ZSWIM6: variants seen among roughly 807,000 people sequenced by gnomAD.
ZSWIM6 encodes zinc finger SWIM-type containing 6, also known as zinc finger SWIM domain-containing protein 6.
ZSWIM6 carries 9 observed loss-of-function variants against 113.2 expected under a neutral mutation model. The observed-to-expected ratio is 0.08, with a 90% CI of 0.05 to 0.14. The LOEUF (loss-of-function observed/expected upper bound fraction) is 0.14. ZSWIM6 is among the 10% of genes least tolerant of loss of function. ZSWIM6 has a pLI of 1.00. For missense variants in ZSWIM6, 1,162 were observed against 1,552.2 expected, an observed-to-expected ratio of 0.75 and a Z score of 4.22; for synonymous variants, 611 against 606.5, an observed-to-expected ratio of 1.01 and a Z score of -0.11.
chr5:61,364,991 A>C (rs888484884), intron 1 of ZSWIM6, among the ~76,000 whole-genome samples: 2 of 152,182 alleles, frequency 1.3e-5, no homozygotes, highest in Non-Finnish European at 2.9e-5. Context: ...GATATTTACT[A>C]TCTGGCTCTT....
intron 1 of ZSWIM6, among the ~76,000 whole-genome samples, chr5:61,464,029 G>T (rs1747373123): frequency 6.6e-6 from 1 of 151,898 alleles, no homozygotes; most frequent in African/African-American, 2.4e-5. Context: ...TTTCGCTCTT[G>T]TTGCCCAGGC....
intron 1 of ZSWIM6, among the ~76,000 whole-genome samples, chr5:61,451,005 T>G (rs1015179446): frequency 5.9e-5 from 9 of 152,214 alleles, no homozygotes; most frequent in Admixed American, 3.3e-4. Context: ...TTGAAGCTCC[T>G]TTTACCTTAA....
At chr5:61,518,402 C>A (rs1749019244) in intron 4 of ZSWIM6, among the ~76,000 whole-genome samples, 1 of 150,686 alleles carries the variant, frequency 6.6e-6, no homozygotes. Context: ...TACAGTCCCA[C>A]CAACAGTGTA....
chr5:61,420,582 G>A (rs1160700339), intron 1 of ZSWIM6, among the ~76,000 whole-genome samples: 1 of 152,096 alleles, frequency 6.6e-6, no homozygotes, highest in Non-Finnish European at 1.5e-5. Flanking sequence ...AACAGAGGCT[G>A]CCGGGGAGTG....
chr5:61,516,521 AAT>A (rs1373758354), intron 4 of ZSWIM6, among the ~76,000 whole-genome samples: 2 of 142,066 alleles, frequency 1.4e-5, no homozygotes, highest in Non-Finnish European at 3.1e-5. Flanking sequence ...TAACATGGCA[AAT>A]ATATATATAT....
intron 1 of ZSWIM6, among the ~76,000 whole-genome samples, chr5:61,457,110 G>A (rs1747220350): frequency 6.7e-6 from 1 of 150,062 alleles, no homozygotes; most frequent in Non-Finnish European, 1.5e-5. Flanking sequence ...CTGTGTCCAT[G>A]TGATCTCATT....
intron 1 of ZSWIM6, among the ~76,000 whole-genome samples, chr5:61,360,954 T>C (rs1745022780): frequency 6.6e-6 from 1 of 152,220 alleles, no homozygotes. Context: ...AGTTTGAATT[T>C]AGGTGTGTTA....
intron 1 of ZSWIM6, among the ~76,000 whole-genome samples, chr5:61,343,257 GA>G (rs1744586643): frequency 6.6e-6 from 1 of 152,170 alleles, no homozygotes; most frequent in Non-Finnish European, 1.5e-5. Context: ...AAGCTGATCA[GA>G]TACTTTGGAA....
At chr5:61,446,520 AC>A (rs1746956245) in intron 1 of ZSWIM6, among the ~76,000 whole-genome samples, 2 of 152,190 alleles carry the variant, frequency 1.3e-5, no homozygotes, top group South Asian at 4.1e-4. Flanking sequence ...ACAAAATCAC[AC>A]AAAGATCATT....
intron 7 of ZSWIM6, among the ~76,000 whole-genome samples, chr5:61,529,702 A>G (rs1749379601): frequency 6.6e-6 from 1 of 152,228 alleles, no homozygotes; most frequent in Admixed American, 6.5e-5. Flanking sequence ...AATTTCTCAA[A>G]AGAAAATTTG....
chr5:61,390,834 T>C, intron 1 of ZSWIM6: 1 of 814,134 alleles, frequency 1.2e-6, no homozygotes, highest in Non-Finnish European at 2.2e-6. Flanking sequence ...TGGCAAGGAC[T>C]TGTGAAGGGT....
rs78633674 is a variant in ZSWIM6 at position 61,438,983 on chromosome 5, C to T, written c.677-33698C>T. ...TACAGTTAGACAGCCAGGAGTCTGG[C>T]AGCTATATTGCAAAAGGGAAAAGCA... On this transcript the variant is annotated intron_variant, in intron 1 of 13. Transcript: ENST00000252744. Among the ~76,000 whole-genome samples the T allele has an allele frequency of 1.4e-3, 211 of 152,276 alleles. 2 individuals are homozygous for T. Among genetic ancestry groups the T allele is most frequent in the African/African-American group, 4.6e-3 (192 of 41,548 alleles).
intron 1 of ZSWIM6, among the ~76,000 whole-genome samples, chr5:61,341,873 CTTTTTTTT>C (rs35227918): frequency 2.1e-5 from 2 of 94,702 alleles, no homozygotes; most frequent in South Asian, 3.6e-4. Context: ...TCTCTGTAAC[CTTTTTTTT>C]TTTTTTTTTT....
chr5:61,334,211 T>C (rs1744337017), intron 1 of ZSWIM6, among the ~76,000 whole-genome samples: 3 of 152,230 alleles, frequency 2.0e-5, no homozygotes, highest in South Asian at 4.1e-4. Context: ...AAGTGTCTCC[T>C]GTTCCCCCTC....
intron 1 of ZSWIM6, among the ~76,000 whole-genome samples, chr5:61,461,325 A>G (rs1335106308): frequency 6.6e-6 from 1 of 152,218 alleles, no homozygotes; most frequent in Non-Finnish European, 1.5e-5. Context: ...GCCTCCCTCC[A>G]TAATTTTTTA....
intron 7 of ZSWIM6, among the ~76,000 whole-genome samples, chr5:61,527,550 CT>C (rs1394164360): frequency 5.9e-5 from 9 of 152,304 alleles, no homozygotes; most frequent in African/African-American, 2.2e-4. Flanking sequence ...ATTGTCGTGA[CT>C]TTGTCCAGTT....
At chr5:61,397,197 C>T (rs1469518185) in intron 1 of ZSWIM6, among the ~76,000 whole-genome samples, 1 of 152,188 alleles carries the variant, frequency 6.6e-6, no homozygotes, top group Non-Finnish European at 1.5e-5. Flanking sequence ...TCAGGCTGTA[C>T]CTTCCTGTCC....
At chr5:61,337,126 C>G (rs1274856310) in intron 1 of ZSWIM6, among the ~76,000 whole-genome samples, 1 of 152,020 alleles carries the variant, frequency 6.6e-6, no homozygotes, top group Non-Finnish European at 1.5e-5. Flanking sequence ...ACTAAAAATA[C>G]AAAAATTAGC....
At chr5:61,454,197 A>T (rs530744827) in intron 1 of ZSWIM6, among the ~76,000 whole-genome samples, 1 of 148,556 alleles carries the variant, frequency 6.7e-6, no homozygotes, top group South Asian at 2.3e-4. Context: ...GCTCTTTCAG[A>T]TTGGGAGAGT....
Sources: gnomAD v4.1 joint callset for allele counts (sites outside exome capture counted in the v4.1 genomes callset) on GRCh38, gnomAD v4.1.1 for gene constraint, MANE v1.5 for transcripts, NCBI Gene and HGNC (gene_info 2026-07-23, HGNC 2026-07-21) for gene names.